The following TAS2R1 variants were observed in gnomAD, a reference collection of about 807,000 sequenced individuals.
TAS2R1 encodes the protein taste 2 receptor member 1, also known as taste receptor type 2 member 1.
For missense variants in TAS2R1, 370 were observed against 353.4 expected, an observed-to-expected ratio of 1.05 and a Z score of -0.38; for synonymous variants, 141 against 134.2, an observed-to-expected ratio of 1.05 and a Z score of -0.35.
the TAS2R1 span, among the ~76,000 whole-genome samples, chr5:9,820,770 A>G: frequency 1.3e-5 from 2 of 152,210 alleles, no homozygotes; most frequent in Non-Finnish European, 2.9e-5. Flanking sequence ...AACAAAAACG[A>G]AAGAACAAAA....
the TAS2R1 span, among the ~76,000 whole-genome samples, chr5:9,813,480 G>GATGA: frequency 1.3e-5 from 2 of 152,288 alleles, no homozygotes; most frequent in Admixed American, 6.5e-5. Context: ...ACTTGCAGCA[G>GATGA]CTATCTTGGA....
At chr5:9,694,937 C>T (rs1000288516) in intron 1 of TAS2R1, among the ~76,000 whole-genome samples, 3 of 152,154 alleles carry the variant, frequency 2.0e-5, no homozygotes, top group Non-Finnish European at 2.9e-5. Context: ...TATTCTTGAG[C>T]TCTAGGAGTA....
At chr5:9,668,606 TCAGC>T (rs1374201245) in intron 1 of TAS2R1, among the ~76,000 whole-genome samples, 1 of 152,114 alleles carries the variant, frequency 6.6e-6, no homozygotes, top group African/African-American at 2.4e-5. Flanking sequence ...AGGCCTACAT[TCAGC>T]ATTCTTAAAG....
the TAS2R1 span, among the ~76,000 whole-genome samples, chr5:9,848,798 T>A: frequency 6.6e-6 from 1 of 152,206 alleles, no homozygotes; most frequent in Admixed American, 6.5e-5. Flanking sequence ...GAAAATTCAT[T>A]ACAACATAGT....
intron 1 of TAS2R1, among the ~76,000 whole-genome samples, chr5:9,690,167 G>A (rs1276130235): frequency 6.6e-6 from 1 of 152,188 alleles, no homozygotes; most frequent in Non-Finnish European, 1.5e-5. Flanking sequence ...TGTGGTAACA[G>A]AATGTTACCC....
At position 9,630,027 on chromosome 5, in the gene TAS2R1, T is replaced by C; in HGVS notation, c.6A>G (p.Leu2=). 6.4e-7 allele frequency: 1 copy of C among 1,555,704 alleles called. No homozygotes were observed. Among genetic ancestry groups the C allele is most frequent in the Non-Finnish European group, 8.6e-7 (1 of 1,156,222 alleles). ...GAAAATAGATAATGAGGTGAGACTC[T>C]AGCATTTTAGGAATAAAAAATTATT... The part of the protein sequence containing the change: M[L]ESHLIIYFLL... The change falls in exon 1 of 1, where the codon CTA becomes CTG. Residue 2 remains leucine (L), a synonymous_variant. Transcript: ENST00000382492.
At chr5:9,889,561 T>G in the TAS2R1 span, 1 of 152,144 alleles carries the variant, frequency 6.6e-6, no homozygotes, top group African/African-American at 2.4e-5. Flanking sequence ...TGCTCACTGT[T>G]TTTTATTGGT....
upstream of TAS2R1, among the ~76,000 whole-genome samples, chr5:9,635,262 A>G (rs1739942054): frequency 6.6e-6 from 1 of 152,114 alleles, no homozygotes; most frequent in Non-Finnish European, 1.5e-5. Flanking sequence ...TGACTTGTAT[A>G]TGTTAAACCA....
At chr5:9,878,607 C>T in the TAS2R1 span, among the ~76,000 whole-genome samples, 1 of 152,202 alleles carries the variant, frequency 6.6e-6, no homozygotes, top group Non-Finnish European at 1.5e-5. Flanking sequence ...CATATGGTCA[C>T]TTCATTTTTC....
intron 1 of TAS2R1, among the ~76,000 whole-genome samples, chr5:9,687,560 TCC>T (rs200505885): frequency 0.029 from 4,421 of 152,152 alleles, 81 homozygotes; most frequent in Middle Eastern, 0.051. Context: ...CTCTGAAGTT[TCC>T]CTTTCTGCCT....
At chr5:9,692,387 T>C (rs1253729169) in intron 1 of TAS2R1, among the ~76,000 whole-genome samples, 2 of 152,188 alleles carry the variant, frequency 1.3e-5, no homozygotes, top group African/African-American at 4.8e-5. Context: ...CATATTTTTG[T>C]GTTCAATTTT....
At chr5:9,783,251 G>A in the TAS2R1 span, among the ~76,000 whole-genome samples, 2 of 152,044 alleles carry the variant, frequency 1.3e-5, no homozygotes, top group Non-Finnish European at 2.9e-5. Flanking sequence ...TCTCACTCAG[G>A]CATCTGCAAA....
the TAS2R1 span, among the ~76,000 whole-genome samples, chr5:9,823,700 A>G: frequency 5.4e-5 from 7 of 129,016 alleles, no homozygotes; most frequent in East Asian, 5.5e-4. Context: ...GGGAGGAAGG[A>G]AGGGAGGGAG....
chr5:9,639,650 G>A (rs539031254), intron 2 of TAS2R1, among the ~76,000 whole-genome samples: 34 of 152,208 alleles, frequency 2.2e-4, no homozygotes, highest in South Asian at 8.3e-4. Flanking sequence ...ATCTTCCCCC[G>A]ATCTCCAACC....
chr5:9,634,875 A>G (rs2126477085), upstream of TAS2R1, among the ~76,000 whole-genome samples: 1 of 152,202 alleles, frequency 6.6e-6, no homozygotes, highest in East Asian at 1.9e-4. Flanking sequence ...TAGGCATACA[A>G]TCATATTACT....
In TAS2R1 at chr5:9,630,089, G is replaced by T. The variant is rs1481243746; in HGVS notation, c.-57C>A. On this transcript the variant is annotated 5_prime_UTR_variant, in exon 1 of 1. In the 5' UTR this introduces an upstream ATG that the reference lacks. Transcript: ENST00000382492. ...TAATGAAGTTATAAAGTTTTGGACA[G>T]GTTGGGTTGTTCACGCTCTTCAATT... The T allele has an allele frequency of 7.0e-7, 1 of 1,428,700 alleles. No homozygotes were observed. The highest frequency in any genetic ancestry group is 9.3e-7 in the Non-Finnish European group (1 of 1,077,382). 88.5% of individuals were successfully genotyped at this position (1,428,700 alleles called of 1,614,324 possible).
the TAS2R1 span, among the ~76,000 whole-genome samples, chr5:9,726,346 G>A: frequency 5.3e-5 from 8 of 152,292 alleles, no homozygotes; most frequent in Admixed American, 2.6e-4. Context: ...ACCAATCAGC[G>A]CCCTGTCAAA....
the TAS2R1 span, among the ~76,000 whole-genome samples, chr5:9,858,770 A>G: frequency 2.0e-5 from 3 of 152,198 alleles, no homozygotes; most frequent in African/African-American, 7.2e-5. Context: ...GCTTTCTTTA[A>G]AAGTGTTCCT....
the TAS2R1 span, among the ~76,000 whole-genome samples, chr5:9,824,228 T>G: frequency 6.6e-6 from 1 of 152,210 alleles, no homozygotes; most frequent in East Asian, 1.9e-4. Flanking sequence ...CAGTAATTCC[T>G]GAAATCATCT....
Sources: allele counts gnomAD v4.1 joint callset (sites outside exome capture counted in the v4.1 genomes callset), GRCh38; gene constraint gnomAD v4.1.1; transcripts MANE v1.5; gene names NCBI Gene and HGNC (gene_info 2026-07-23, HGNC 2026-07-21).